The following TEKT4 variants were observed in gnomAD, a reference collection of about 807,000 sequenced individuals.
The protein encoded by TEKT4 is tektin 4.
In TEKT4, 46 loss-of-function variants were observed where a neutral mutation model predicts 46.0. The observed-to-expected ratio is 1.00, with a 90% CI of 0.79 to 1.28. The LOEUF (loss-of-function observed/expected upper bound fraction) is 1.28. Ranked by LOEUF, TEKT4 falls within the 50% of genes most tolerant of loss-of-function variation. The probability of loss-of-function intolerance (pLI) is 0.00; values close to 1 mark genes in which losing one functional copy is unlikely to be tolerated. For synonymous variants in TEKT4, 325 were observed against 265.8 expected (o/e 1.22, Z -2.17); for missense variants, 790 against 622.9 (o/e 1.27, Z -2.85).
Position 94,871,827 on chromosome 2 carries a change from C to A in TEKT4, c.248C>A (p.Thr83Lys), listed in dbSNP as rs4854235. The A allele has an allele frequency of 6.2e-7, 1 of 1,608,726 alleles. No homozygotes were observed. The highest frequency in any genetic ancestry group is 1.3e-5 in the African/African-American group (1 of 74,964). The change falls in exon 1 of 6, where the codon ACG becomes AAG. Residue 83 changes from threonine to lysine, a missense_variant. Thr to Lys is a moderately conservative substitution (Grantham distance 78, BLOSUM62 -1). Coordinates refer to ENST00000295201, the MANE Select transcript of TEKT4 (RefSeq NM_144705.4). Reference protein sequence around the residue: ...ATETQALAQRTQQDSTRTVGE... With the variant: ...ATETQALAQRKQQDSTRTVGE... ...GAGACCCAGGCGCTGGCGCAGCGCA[C>A]GCAGCAAGACTCCACGCGCACAGTG... is the stretch of plus-strand genomic sequence containing the variant.
At chr2:94,872,155 G>A in intron 1 of TEKT4, 78 bp downstream of exon 1, 2 of 1,451,060 alleles carry the variant, frequency 1.4e-6, no homozygotes, top group South Asian at 2.8e-5. Flanking sequence ...ATGTGGACAA[G>A]CCACGTGGCT....
rs149790985 is a variant in TEKT4, at chr2:94,876,612, T to C, written c.1151T>C (p.Leu384Pro). 6.8e-6 allele frequency: 11 copies of C among 1,612,702 alleles called. No homozygotes were observed. Among genetic ancestry groups the C allele is most frequent in the Non-Finnish European group, 8.5e-6 (10 of 1,179,850 alleles). Residue 384 changes from leucine to proline, a missense_variant, in exon 6 of 6, where the codon CTA becomes CCA. Leu to Pro is a moderately conservative substitution (Grantham distance 98). Transcript: ENST00000295201. ...CTCACAGCACTGCGAGAGAAGCTTC[T>C]AGAAGCGGAGCAGTCCCTGCGCAAC... ...MSLTALREKL[L>P]EAEQSLRNLE...
intron 1 of TEKT4, chr2:94,872,692 A>T: frequency 1.6e-6 from 1 of 612,692 alleles, no homozygotes; most frequent in Non-Finnish European, 2.5e-6. Flanking sequence ...ACAGGCCTGT[A>T]GACATTCGTG....
intron 1 of TEKT4, chr2:94,872,758 AC>A: frequency 8.1e-7 from 1 of 1,239,790 alleles, no homozygotes; most frequent in South Asian, 1.3e-5. Context: ...TCAGGCAAGA[AC>A]CCTTGAGTCC....
chr2:94,876,410 C>G, intron 5 of TEKT4, 143 bp from the exon 6 acceptor site: 3 of 683,014 alleles, frequency 4.4e-6, no homozygotes, highest in Non-Finnish European at 5.0e-6. Context: ...TGCCCTAGAG[C>G]TGCTTTCCTG....
rs1553394734 is a variant in TEKT4, at chr2:94,871,988, T to G, written c.409T>G (p.Phe137Val). 6.3e-7 allele frequency: 1 copy of G among 1,599,826 alleles called. No individual in the cohort carries two copies. Among genetic ancestry groups the G allele is most frequent in the Non-Finnish European group, 8.5e-7 (1 of 1,174,916 alleles). ...CGCCCTGGACGCCACAGAGGTGCCC[T>G]TCTCCATCACCACTGACAACCTGCA... ...ERALDATEVP[F>V]SITTDNLQCR... Residue 137 changes from phenylalanine (F) to valine (V), a missense_variant, in exon 1 of 6, where the codon TTC becomes GTC. Physicochemically the swap from Phe to Val is conservative, Grantham distance 50. Coordinates refer to ENST00000295201, the MANE Select transcript of TEKT4 (RefSeq NM_144705.4).
intron 1 of TEKT4, 75 bp downstream of exon 1, chr2:94,872,152 C>G (rs1680605823): frequency 1.0e-5 from 15 of 1,457,268 alleles, no homozygotes; most frequent in Non-Finnish European, 1.4e-5. Context: ...TTCATGTGGA[C>G]AAGCCACGTG....
intron 5 of TEKT4, 40 bp downstream of exon 5, chr2:94,875,782 TCCA>T: frequency 6.3e-7 from 1 of 1,591,200 alleles, no homozygotes; most frequent in South Asian, 1.1e-5. Context: ...GGTGGCCCTG[TCCA>T]CCTCCTCCCT....
rs1680823358 is a variant in TEKT4, at chr2:94,875,813, A to G, written c.1091+71A>G. 11 of 1,465,792 alleles carry G rather than the reference A, an allele frequency of 7.5e-6. No homozygotes were observed. In the South Asian group the frequency reaches 1.4e-4, roughly 18 times the overall value. The allele number at this position is 1,465,792 out of a possible 1,614,324, so 90.8% of individuals were successfully genotyped here. Reference sequence around the variant, plus strand: ...TCCTCCCTGTGACTCTCTCCAATAAACACTCCAACACCCCGCACACACATC... The same window carrying G: ...TCCTCCCTGTGACTCTCTCCAATAAGCACTCCAACACCCCGCACACACATC... On this transcript the variant is annotated intron_variant, in intron 5 of 5. Transcript: ENST00000295201.
At chr2:94,873,260 G>A (rs1239213839) in intron 1 of TEKT4, 61 of 1,345,796 alleles carry the variant, frequency 4.5e-5, no homozygotes, top group East Asian at 6.4e-5. Context: ...AGCCTGGGGC[G>A]TGGGAACTGC....
rs1680554726 is a variant in TEKT4 at position 94,871,499 on chromosome 2, CCGCTGACCGCACTA to C, written c.-80_-67del. 2.1e-6 allele frequency: 3 copies of C among 1,453,040 alleles called. No individual in the cohort carries two copies. The highest frequency in any genetic ancestry group is 1.8e-6 in the Non-Finnish European group (2 of 1,103,516). The allele number at this position is 1,453,040 out of a possible 1,614,324, so 90.0% of individuals were successfully genotyped here. A position where few individuals can be genotyped will look rare whatever the true frequency, so the allele number is the denominator to read the frequency against. On this transcript the variant is annotated 5_prime_UTR_variant, in exon 1 of 6. Transcript: ENST00000295201. Reference sequence around the variant, plus strand: ...CTGGGACTGAGCCGTTGGAGCTGCCCCGCTGACCGCACTAGGCTGACCGCAACCGGCTGACCACA... The same window carrying C: ...CTGGGACTGAGCCGTTGGAGCTGCCCGGCTGACCGCAACCGGCTGACCACA...
Position 94,874,942 on chromosome 2 carries a change from C to T in TEKT4, c.880C>T (p.Arg294Cys), listed in dbSNP as rs373542007. ...QCDAVNLAFG[R>C]RCEELEDARY... ...CGACGCCGTGAACCTGGCCTTCGGG[C>T]GCCGCTGTGAGGAGCTGGAGGACGC... Residue 294 changes from arginine (R) to cysteine (C), a missense_variant, in exon 4 of 6, where the codon CGC becomes TGC. Physicochemically the swap from Arg to Cys is radical, Grantham distance 180. Coordinates refer to ENST00000295201, the MANE Select transcript of TEKT4 (RefSeq NM_144705.4). 1.3e-5 allele frequency: 21 copies of T among 1,611,682 alleles called. No individual in the cohort carries two copies. Among genetic ancestry groups the T allele is most frequent in the Admixed American group, 3.3e-5 (2 of 59,908 alleles).
chr2:94,875,141 A>G, intron 4 of TEKT4, 143 bp downstream of exon 4: 2 of 914,798 alleles, frequency 2.2e-6, no homozygotes, highest in Non-Finnish European at 3.2e-6. Context: ...ACCAGGTGAC[A>G]CTGGGTATGA....
In TEKT4 at chr2:94,873,947, T is replaced by G; in HGVS notation, c.570-18T>G. On this transcript the variant is annotated intron_variant, in intron 2 of 5. Transcript: ENST00000295201. ...CCTCCCTGGGCACACATCAAGGCCC[T>G]GCCCCACCCCGCCCCAGACTGAACC... 4.3e-6 allele frequency: 6 copies of G among 1,406,106 alleles called. No individual in the cohort carries two copies. The highest frequency in any genetic ancestry group is 1.1e-5 in the South Asian group (1 of 87,748). The allele number at this position is 1,406,106 out of a possible 1,614,324, so 87.1% of individuals were successfully genotyped here.
At chr2:94,874,359 GT>G (rs1454630111) in intron 3 of TEKT4, among the ~76,000 whole-genome samples, 1 of 152,162 alleles carries the variant, frequency 6.6e-6, no homozygotes, top group African/African-American at 2.4e-5. Context: ...GCAGGATTGC[GT>G]TTCCGCCCAA....
chr2:94,873,546 G>C lies in TEKT4; in HGVS notation c.525G>C (p.Gln175His). 1 of 1,612,756 alleles carries C rather than the reference G, an allele frequency of 6.2e-7. No homozygotes were observed. The highest frequency in any genetic ancestry group is 1.1e-5 in the South Asian group (1 of 91,016). Residue 175 changes from glutamine to histidine, a missense_variant, in exon 2 of 6, where the codon CAG becomes CAC. Coordinates refer to ENST00000295201, the MANE Select transcript of TEKT4 (RefSeq NM_144705.4). ...AAGCCGAGCTCATCCGGAACATTCAGGAGCTGCTGAAGAGAACCATCATGC... is the reference window on the plus strand; with the variant it reads ...AAGCCGAGCTCATCCGGAACATTCACGAGCTGCTGAAGAGAACCATCATGC... ...LKEAELIRNIQELLKRTIMQA... is the reference protein window; with the variant it reads ...LKEAELIRNIHELLKRTIMQA...
Position 94,873,980 on chromosome 2 carries a change from C to T in TEKT4, c.585C>T (p.His195=), listed in dbSNP as rs371267438. The change falls in exon 3 of 6, where the codon CAC becomes CAT. Residue 195 remains histidine, a synonymous_variant. Coordinates refer to ENST00000295201, the MANE Select transcript of TEKT4 (RefSeq NM_144705.4). ...CCCGCCCCAGACTGAACCGGGAGCA[C>T]AAGGAGACCTGCGAGATGGACTGGT... The part of the protein sequence containing the change: ...AVSQIRLNRE[H]KETCEMDWSD... The T allele has an allele frequency of 1.6e-5, 26 of 1,613,678 alleles. No individual in the cohort carries two copies. The highest frequency in any genetic ancestry group is 2.1e-5 in the Non-Finnish European group (25 of 1,179,970).
At chr2:94,872,963 G>A (rs1384002414) in intron 1 of TEKT4, 1 of 1,289,410 alleles carries the variant, frequency 7.8e-7, no homozygotes, top group Non-Finnish European at 1.0e-6. Flanking sequence ...GCAGGACCCG[G>A]GCCCTGGCAC....
At chr2:94,873,640 G>A (rs782511814) in intron 2 of TEKT4, 50 bp downstream of exon 2, 3 of 1,609,554 alleles carry the variant, frequency 1.9e-6, no homozygotes, top group Non-Finnish European at 2.5e-6. Flanking sequence ...CCCACAGCTG[G>A]TCCTGGGGCA....
Sources: allele counts gnomAD v4.1 joint callset (sites outside exome capture counted in the v4.1 genomes callset), GRCh38; gene constraint gnomAD v4.1.1; transcripts MANE v1.5; gene names NCBI Gene and HGNC (gene_info 2026-07-23, HGNC 2026-07-21).